NUP133: variants seen among roughly 807,000 people sequenced by gnomAD.
NUP133 encodes the protein nuclear pore complex protein Nup133.
A neutral mutation model predicts 146.2 loss-of-function variants in NUP133; 66 were observed. That is an observed-to-expected ratio of 0.45 (90% CI 0.37 to 0.55). The LOEUF is 0.55. Ranked by LOEUF, NUP133 falls within the 20% of genes least tolerant of loss-of-function variation. The pLI is 0.00. For missense variants in NUP133, 1,277 were observed against 1,374.8 expected (o/e 0.93, Z 1.12); for synonymous variants, 521 against 498.8 (o/e 1.04, Z -0.59).
At chr1:229,500,503 C>G (rs529052156) in intron 4 of NUP133, among the ~76,000 whole-genome samples, 89 of 152,250 alleles carry the variant, frequency 5.8e-4, no homozygotes, top group Admixed American at 1.4e-3. Context: ...GAAAAATCAT[C>G]GTCAAAAACC....
intron 19 of NUP133, among the ~76,000 whole-genome samples, 164 bp from the exon 20 acceptor site, chr1:229,460,933 A>G (rs1456381019): frequency 6.6e-6 from 1 of 152,216 alleles, no homozygotes; most frequent in South Asian, 2.1e-4. Context: ...CATTTGACAG[A>G]TGTGTACATT....
chr1:229,466,899 A>G (rs2102759711), intron 15 of NUP133, 143 bp from the exon 16 acceptor site: 1 of 705,940 alleles, frequency 1.4e-6, no homozygotes, highest in South Asian at 3.0e-5. Context: ...GTAAAAATAA[A>G]TTCAAAAATC....
intron 12 of NUP133, among the ~76,000 whole-genome samples, chr1:229,482,778 C>T (rs1661249654): frequency 6.6e-6 from 1 of 152,144 alleles, no homozygotes; most frequent in South Asian, 2.1e-4. Flanking sequence ...CAAGCAAAGA[C>T]TTAAAGAGTG....
intron 25 of NUP133, 21 bp from the exon 26 acceptor site, chr1:229,442,061 A>G (rs1215473242): frequency 1.3e-6 from 2 of 1,540,580 alleles, no homozygotes; most frequent in Non-Finnish European, 1.7e-6. Context: ...AAACACAAGA[A>G]GTCATTTTTC....
chr1:229,466,096 CGTT>C (rs1660807710), intron 16 of NUP133, among the ~76,000 whole-genome samples: 2 of 151,842 alleles, frequency 1.3e-5, no homozygotes, highest in Non-Finnish European at 2.9e-5. Context: ...TTAAATGGAA[CGTT>C]TTAGTCAATA....
At chr1:229,499,897 A>G in intron 4 of NUP133, 79 bp from the exon 5 acceptor site, 1 of 1,469,212 alleles carries the variant, frequency 6.8e-7, no homozygotes, top group South Asian at 1.2e-5. Context: ...CAATGATACA[A>G]AGAAACAGGA....
At chr1:229,453,920 A>AT (rs71561741) in intron 21 of NUP133, among the ~76,000 whole-genome samples, 36,997 of 151,360 alleles carry the variant, frequency 0.24, 5,411 homozygotes, top group African/African-American at 0.41. Flanking sequence ...CTTTTTCTTA[A>AT]TTTTTTTTTG....
Position 229,490,231 on chromosome 1 carries a change from A to C in NUP133, c.1047-129T>G, listed in dbSNP as rs920316462. 9 of 761,972 alleles carry C rather than the reference A, an allele frequency of 1.2e-5. No individual in the cohort carries two copies. In the African/African-American group the frequency reaches 1.4e-4, roughly 12 times the overall value. 47.2% of individuals were successfully genotyped at this position (761,972 alleles called of 1,614,324 possible). On this transcript the variant is annotated intron_variant, in intron 8 of 25. Transcript: ENST00000261396. ...TGGACACCTATCCAAGAGAAAATTTAAAAACAGAAACAGAAAACCAATAAC... is the reference window on the plus strand; with the variant it reads ...TGGACACCTATCCAAGAGAAAATTTCAAAACAGAAACAGAAAACCAATAAC...
chr1:229,469,699 C>T (rs933378539), intron 15 of NUP133, among the ~76,000 whole-genome samples: 8 of 152,242 alleles, frequency 5.3e-5, no homozygotes, highest in African/African-American at 1.7e-4. Flanking sequence ...AGGAAGAAAG[C>T]TGGCAGAATA....
At chr1:229,500,495 A>G (rs1200221130) in intron 4 of NUP133, among the ~76,000 whole-genome samples, 4 of 152,220 alleles carry the variant, frequency 2.6e-5, no homozygotes, top group Admixed American at 2.6e-4. Context: ...GATACAGAGA[A>G]AAATCATCGT....
chr1:229,492,821 C>T (rs916255342), intron 8 of NUP133, among the ~76,000 whole-genome samples: 1 of 151,850 alleles, frequency 6.6e-6, no homozygotes, highest in Non-Finnish European at 1.5e-5. Context: ...GTGTACACTG[C>T]TCAGGTGACA....
At chr1:229,443,897 T>G (rs1171590527) in intron 25 of NUP133, among the ~76,000 whole-genome samples, 1 of 129,114 alleles carries the variant, frequency 7.7e-6, no homozygotes, top group East Asian at 2.2e-4. Context: ...CTCAACTCTT[T>G]TTTTTTTTTT....
At chr1:229,490,701 G>A (rs901862013) in intron 8 of NUP133, among the ~76,000 whole-genome samples, 2 of 152,116 alleles carry the variant, frequency 1.3e-5, no homozygotes, top group Non-Finnish European at 2.9e-5. Context: ...GGTGGCTCAC[G>A]TCTGTAATCC....
In NUP133 at chr1:229,441,922, A is replaced by T; in HGVS notation, c.3453T>A (p.Tyr1151Ter). 1 of 1,580,366 alleles carries T rather than the reference A, an allele frequency of 6.3e-7. No homozygotes were observed. The highest frequency in any genetic ancestry group is 8.5e-7 in the Non-Finnish European group (1 of 1,169,894). The change falls in exon 26 of 26, where the codon TAT (tyrosine) becomes TAA (stop). Residue 1151 changes from tyrosine (Y) to a stop codon, truncating the protein, a stop_gained. Coordinates refer to ENST00000261396, the MANE Select transcript of NUP133 (RefSeq NM_018230.3). LOFTEE classifies it high-confidence loss of function. ...EFVLKANYEY[Y>*]VQGQI The stretch of plus-strand genomic sequence containing the variant: ...GAAAAAGTTATATTTGTCCCTGAAC[A>T]TAATATTCATAATTTGCTTTCAAAA...
chr1:229,496,527 G>A (rs1661661061), intron 6 of NUP133, among the ~76,000 whole-genome samples: 1 of 152,112 alleles, frequency 6.6e-6, no homozygotes, highest in Non-Finnish European at 1.5e-5. Context: ...TAGAGCTTGA[G>A]GGCAAGGTTG....
intron 21 of NUP133, among the ~76,000 whole-genome samples, chr1:229,456,560 T>C (rs906578983): frequency 3.3e-5 from 5 of 152,136 alleles, no homozygotes; most frequent in Non-Finnish European, 5.9e-5. Context: ...TTAACCTTGC[T>C]TTCTGGCCCA....
chr1:229,477,149 A>T (rs1661096664), intron 13 of NUP133, among the ~76,000 whole-genome samples: 1 of 151,660 alleles, frequency 6.6e-6, no homozygotes, highest in Non-Finnish European at 1.5e-5. Context: ...ACTATAAGGA[A>T]GGTTACCTGG....
At chr1:229,496,939 G>C (rs149414847) in intron 6 of NUP133, among the ~76,000 whole-genome samples, 14 of 152,246 alleles carry the variant, frequency 9.2e-5, no homozygotes, top group African/African-American at 3.4e-4. Context: ...TCTGAACACA[G>C]AATTGTGTTT....
intron 20 of NUP133, among the ~76,000 whole-genome samples, chr1:229,459,763 T>C (rs150756420): frequency 2.1e-4 from 32 of 152,372 alleles, no homozygotes; most frequent in South Asian, 1.5e-3. Context: ...TTTACACTGA[T>C]TGATGGACAC....
Sources: gnomAD v4.1 joint callset for allele counts (sites outside exome capture counted in the v4.1 genomes callset) on GRCh38, gnomAD v4.1.1 for gene constraint, MANE v1.5 for transcripts, NCBI Gene and HGNC (gene_info 2026-07-23, HGNC 2026-07-21) for gene names.